Variants in CTSC observed in about 807,000 individuals in gnomAD.
The protein encoded by CTSC is cathepsin C, also known as dipeptidyl peptidase 1.
A neutral mutation model predicts 40.9 loss-of-function variants in CTSC; 37 were observed. That is an observed-to-expected ratio of 0.91 (90% CI 0.70 to 1.19). The LOEUF (loss-of-function observed/expected upper bound fraction) is 1.19. Ranked by LOEUF, CTSC falls within the 50% of genes most tolerant of loss-of-function variation. The pLI is 0.00. For missense variants in CTSC, 594 were observed against 567.3 expected (o/e 1.05, Z -0.48); for synonymous variants, 232 against 207.4 (o/e 1.12, Z -1.02).
In CTSC at chr11:88,334,830, C is replaced by T. The variant is rs140853927; in HGVS notation, c.318+107G>A. On this transcript the variant is annotated intron_variant, in intron 2 of 6. Coordinates refer to ENST00000227266, the MANE Select transcript of CTSC (RefSeq NM_001814.6). ...CTCTTGGGAAGAGTGGTGTCAATTCCGGTCATCTTCTTAATCTAAAATTAA... is the reference window on the plus strand; with the variant it reads ...CTCTTGGGAAGAGTGGTGTCAATTCTGGTCATCTTCTTAATCTAAAATTAA... The T allele has an allele frequency of 4.8e-4, 400 of 828,804 alleles. 2 individuals carry two copies. In the East Asian group the frequency reaches 9.7e-3, roughly 20 times the overall value. 51.3% of individuals were successfully genotyped at this position (828,804 alleles called of 1,614,324 possible). A position where few individuals can be genotyped will look rare whatever the true frequency, so the allele number is the denominator to read the frequency against.
chr11:88,330,242 A>G (rs545451223), intron 2 of CTSC, among the ~76,000 whole-genome samples: 4 of 152,322 alleles, frequency 2.6e-5, no homozygotes, highest in African/African-American at 9.6e-5. Flanking sequence ...ACATAAGGTT[A>G]TTTCAAATGC....
At chr11:88,299,053 T>A (rs1385943612) in intron 5 of CTSC, 2 of 152,206 alleles carry the variant, frequency 1.3e-5, no homozygotes, top group African/African-American at 4.8e-5. Flanking sequence ...GGACAAGGAC[T>A]ATGTCATATT....
chr11:88,300,064 C>CA (rs995248097), intron 5 of CTSC, among the ~76,000 whole-genome samples: 17 of 151,948 alleles, frequency 1.1e-4, no homozygotes, highest in African/African-American at 4.1e-4. Flanking sequence ...TTACACAGCT[C>CA]AAAAAATCTA....
intron 6 of CTSC, among the ~76,000 whole-genome samples, chr11:88,295,134 T>C (rs542789540): frequency 6.6e-6 from 1 of 152,196 alleles, no homozygotes; most frequent in Non-Finnish European, 1.5e-5. Context: ...AGGATAAAGA[T>C]TGTCTTGATA....
At chr11:88,336,514 G>A (rs1314808281) in intron 1 of CTSC, among the ~76,000 whole-genome samples, 1 of 149,868 alleles carries the variant, frequency 6.7e-6, no homozygotes, top group African/African-American at 2.5e-5. Flanking sequence ...ACTACAGCCT[G>A]GGTGACAGAG....
chr11:88,315,071 G>A (rs957705416), intron 2 of CTSC, among the ~76,000 whole-genome samples: 1 of 152,174 alleles, frequency 6.6e-6, no homozygotes, highest in Non-Finnish European at 1.5e-5. Flanking sequence ...TCGAAACAGT[G>A]TAACATGGTA....
At chr11:88,326,923 A>C (rs767084590) in intron 2 of CTSC, among the ~76,000 whole-genome samples, 1 of 152,158 alleles carries the variant, frequency 6.6e-6, no homozygotes, top group Non-Finnish European at 1.5e-5. Flanking sequence ...TGAAGAGTTA[A>C]GGATAAAATT....
intron 1 of CTSC, among the ~76,000 whole-genome samples, chr11:88,337,243 G>A (rs937722300): frequency 6.6e-6 from 1 of 152,186 alleles, no homozygotes; most frequent in Non-Finnish European, 1.5e-5. Flanking sequence ...TTAAGCGGGA[G>A]GAATAAAAAA....
Position 88,300,544 on chromosome 11 carries a change from G to T in CTSC, c.743C>A (p.Pro248His). ...RNVHGINFVS[P>H]VRNQASCGSC... Reference sequence around the variant, plus strand: ...TATTTTTTTACCTTGGTTTCGAACAGGACTGACAAAATTGATACCATGAAC... The same window carrying T: ...TATTTTTTTACCTTGGTTTCGAACATGACTGACAAAATTGATACCATGAAC... Residue 248 changes from proline to histidine, a missense_variant, in exon 5 of 7, where the codon CCT (proline) becomes CAT (histidine). Pro to His is a moderately conservative substitution (Grantham distance 77). Coordinates refer to ENST00000227266, the MANE Select transcript of CTSC (RefSeq NM_001814.6). 1 of 1,606,744 alleles carries T rather than the reference G, an allele frequency of 6.2e-7. No homozygotes were observed. Among genetic ancestry groups the T allele is most frequent in the Non-Finnish European group, 8.5e-7 (1 of 1,173,294 alleles).
At chr11:88,322,662 A>C (rs1212890983) in intron 2 of CTSC, 1 of 152,212 alleles carries the variant, frequency 6.6e-6, no homozygotes, top group East Asian at 1.9e-4. Flanking sequence ...GAAACTAGAA[A>C]ATCTAGAAGA....
intron 5 of CTSC, 24 bp downstream of exon 5, chr11:88,300,506 A>T: frequency 6.9e-7 from 1 of 1,441,214 alleles, no homozygotes; most frequent in Non-Finnish European, 9.8e-7. Context: ...CAAATTAACA[A>T]AAAACTTAGG....
chr11:88,329,891 T>C (rs762611830), intron 2 of CTSC, among the ~76,000 whole-genome samples: 7 of 152,324 alleles, frequency 4.6e-5, no homozygotes, highest in Middle Eastern at 3.4e-3. Flanking sequence ...TATGCCTGGC[T>C]AATTTTTGTA....
intron 2 of CTSC, among the ~76,000 whole-genome samples, chr11:88,317,209 C>T (rs952887792): frequency 6.6e-6 from 1 of 152,144 alleles, no homozygotes; most frequent in Non-Finnish European, 1.5e-5. Flanking sequence ...TCAGGTGATC[C>T]GTCTGCCTCG....
chr11:88,328,161 C>G, intron 2 of CTSC: 1 of 1,613,760 alleles, frequency 6.2e-7, no homozygotes, highest in Non-Finnish European at 8.5e-7. Context: ...CAGTTCCCAG[C>G]TGCATGAACA....
chr11:88,327,653 T>C (rs1285676623), intron 2 of CTSC, among the ~76,000 whole-genome samples: 1 of 152,192 alleles, frequency 6.6e-6, no homozygotes, highest in Non-Finnish European at 1.5e-5. Flanking sequence ...GATGAGTATG[T>C]CAATTTCTCT....
intron 2 of CTSC, among the ~76,000 whole-genome samples, chr11:88,316,577 C>T (rs367593174): frequency 2.6e-5 from 4 of 151,264 alleles, no homozygotes; most frequent in African/African-American, 7.3e-5. Flanking sequence ...TTATTTTTCA[C>T]GATAGTCTAT....
chr11:88,304,111 T>A (rs1937608950), intron 4 of CTSC, among the ~76,000 whole-genome samples: 1 of 152,086 alleles, frequency 6.6e-6, no homozygotes, highest in Non-Finnish European at 1.5e-5. Context: ...GAAATTTAAG[T>A]TTGGCAGCAT....
At chr11:88,333,877 T>C (rs566428172) in intron 2 of CTSC, among the ~76,000 whole-genome samples, 6 of 145,652 alleles carry the variant, frequency 4.1e-5, no homozygotes, top group Middle Eastern at 3.5e-3. Context: ...CCTCTTCCTC[T>C]CTATTTCATC....
chr11:88,321,100 TTAG>T, intron 2 of CTSC: 4 of 908,082 alleles, frequency 4.4e-6, no homozygotes, highest in Non-Finnish European at 5.3e-6. Context: ...AAAGAACTCA[TTAG>T]TAATTTTTAA....
Sources: gnomAD v4.1 joint callset for allele counts (sites outside exome capture counted in the v4.1 genomes callset) on GRCh38, gnomAD v4.1.1 for gene constraint, MANE v1.5 for transcripts, NCBI Gene and HGNC (gene_info 2026-07-23, HGNC 2026-07-21) for gene names.